ASIC2: variants seen among roughly 807,000 people sequenced by gnomAD.
ASIC2 encodes acid-sensing ion channel 2.
Under a neutral mutation model 57.3 loss-of-function variants are expected in ASIC2, and 25 were observed. The observed-to-expected ratio is 0.44, with a 90% CI of 0.32 to 0.61. The LOEUF is 0.61. Ranked by LOEUF, ASIC2 falls within the 20% of genes least tolerant of loss-of-function variation. The pLI, the probability that ASIC2 is intolerant of heterozygous loss-of-function variation, is 0.06. For missense variants in ASIC2, 641 were observed against 738.1 expected (o/e 0.87, Z 1.52); for synonymous variants, 319 against 307.5 (o/e 1.04, Z -0.39).
At chr17:33,346,226 CAAAAAAAAAAAAAA>C (rs57042563) in intron 1 of ASIC2, among the ~76,000 whole-genome samples, 4 of 57,784 alleles carry the variant, frequency 6.9e-5, no homozygotes, top group African/African-American at 7.7e-5. Flanking sequence ...GATTCCCTCT[CAAAAAAAAAAAAAA>C]AAAAAAAAAA....
At chr17:33,863,668 A>C (rs749695681) in intron 1 of ASIC2, among the ~76,000 whole-genome samples, 1 of 152,174 alleles carries the variant, frequency 6.6e-6, no homozygotes, top group Non-Finnish European at 1.5e-5. Context: ...TATAGTCAGG[A>C]ACTTATTTCC....
chr17:33,464,497 T>C (rs1597737476), intron 1 of ASIC2, among the ~76,000 whole-genome samples: 2 of 38,102 alleles, frequency 5.2e-5, no homozygotes, highest in Non-Finnish European at 1.1e-4. Context: ...TCTTTCTTTC[T>C]TTCTTTCTTT....
chr17:33,956,324 G>A (rs1363492658), intron 1 of ASIC2, among the ~76,000 whole-genome samples: 1 of 152,182 alleles, frequency 6.6e-6, no homozygotes, highest in Non-Finnish European at 1.5e-5. Flanking sequence ...CTGTAGCAAG[G>A]CGAGGCTAGG....
intron 1 of ASIC2, among the ~76,000 whole-genome samples, chr17:33,215,837 C>G (rs1327689101): frequency 6.6e-6 from 1 of 152,052 alleles, no homozygotes; most frequent in East Asian, 1.9e-4. Flanking sequence ...GTAGCTGGGA[C>G]TACAGGCGCC....
intron 1 of ASIC2, among the ~76,000 whole-genome samples, chr17:33,289,472 T>C (rs1263293934): frequency 6.6e-6 from 1 of 152,004 alleles, no homozygotes; most frequent in Non-Finnish European, 1.5e-5. Flanking sequence ...CTCTCCCAGC[T>C]CCTAGGAGGG....
At chr17:34,044,891 A>C (rs1908279940) in intron 1 of ASIC2, among the ~76,000 whole-genome samples, 1 of 152,052 alleles carries the variant, frequency 6.6e-6, no homozygotes, top group Admixed American at 6.5e-5. Context: ...ACTTGGAGTT[A>C]CTCTGATTTA....
At chr17:33,794,418 T>G (rs1343675676) in intron 1 of ASIC2, 1 of 151,784 alleles carries the variant, frequency 6.6e-6, no homozygotes, top group Non-Finnish European at 1.5e-5. Flanking sequence ...AAGATGGAGG[T>G]GGTGATGCTG....
intron 1 of ASIC2, among the ~76,000 whole-genome samples, chr17:34,113,067 C>T (rs1009493264): frequency 2.6e-5 from 4 of 152,120 alleles, no homozygotes; most frequent in African/African-American, 9.7e-5. Flanking sequence ...ATTTTGATCA[C>T]AGTATCTTCA....
At chr17:33,149,778 TG>T (rs1904712900) in intron 1 of ASIC2, among the ~76,000 whole-genome samples, 1 of 152,378 alleles carries the variant, frequency 6.6e-6, no homozygotes, top group Admixed American at 6.5e-5. Flanking sequence ...ATAGTGAGGT[TG>T]AAAGTTTATT....
chr17:33,936,982 C>T (rs1227910005), intron 1 of ASIC2, among the ~76,000 whole-genome samples: 1 of 152,214 alleles, frequency 6.6e-6, no homozygotes, highest in Non-Finnish European at 1.5e-5. Context: ...CTCCACCAAG[C>T]CCAAGCGGAG....
chr17:33,788,194 G>A (rs557560667), intron 1 of ASIC2, among the ~76,000 whole-genome samples: 84 of 151,910 alleles, frequency 5.5e-4, no homozygotes, highest in African/African-American at 2.0e-3. Context: ...GAATTTAAAA[G>A]GAACATAAAC....
In ASIC2 at chr17:33,209,611, C is replaced by T. The variant is rs535154115; in HGVS notation, c.708+81797G>A. Among the ~76,000 whole-genome samples the T allele has an allele frequency of 4.6e-5, 7 of 152,324 alleles. No individual in the cohort carries two copies. In the East Asian group the frequency reaches 9.6e-4, roughly 21 times the overall value. ...AATTGTCCCGTGGGGGCCAAAACTG[C>T]CACCGCTTAAGAACCACTGCCTTGA... On this transcript the variant is annotated intron_variant, in intron 1 of 9. Coordinates refer to ENST00000225823, the MANE Select transcript of ASIC2 (RefSeq NM_183377.2).
chr17:33,495,733 A>G (rs1913911024), intron 1 of ASIC2, among the ~76,000 whole-genome samples: 1 of 152,174 alleles, frequency 6.6e-6, no homozygotes, highest in Non-Finnish European at 1.5e-5. Context: ...CTAAGTACAC[A>G]TCCATTCCTG....
intron 1 of ASIC2, among the ~76,000 whole-genome samples, chr17:34,117,949 G>A (rs1413371200): frequency 2.6e-5 from 4 of 152,138 alleles, no homozygotes; most frequent in Admixed American, 6.5e-5. Flanking sequence ...AATCAGCTCC[G>A]CAGTGCCTTT....
chr17:33,343,461 A>T (rs1281529642), intron 1 of ASIC2, among the ~76,000 whole-genome samples: 1 of 152,138 alleles, frequency 6.6e-6, no homozygotes, highest in Non-Finnish European at 1.5e-5. Flanking sequence ...GATGCCTGTC[A>T]TTGGCTTCCT....
At chr17:33,713,660 T>C (rs1278388652) in intron 1 of ASIC2, among the ~76,000 whole-genome samples, 1 of 152,242 alleles carries the variant, frequency 6.6e-6, no homozygotes, top group Admixed American at 6.5e-5. Flanking sequence ...CATTCACAGT[T>C]TCCAGGTAGA....
chr17:33,859,343 C>G (rs1338233638), intron 1 of ASIC2, among the ~76,000 whole-genome samples: 1 of 151,720 alleles, frequency 6.6e-6, no homozygotes, highest in Non-Finnish European at 1.5e-5. Context: ...AGGCATTCAA[C>G]AAAGATTTGT....
intron 1 of ASIC2, among the ~76,000 whole-genome samples, chr17:33,566,277 G>T (rs2141987844): frequency 6.6e-6 from 1 of 152,280 alleles, no homozygotes; most frequent in Middle Eastern, 3.4e-3. Flanking sequence ...GATTCTTTGT[G>T]GTGGCCATAT....
At chr17:33,934,530 C>T (rs1916015491) in intron 1 of ASIC2, among the ~76,000 whole-genome samples, 1 of 152,120 alleles carries the variant, frequency 6.6e-6, no homozygotes, top group Non-Finnish European at 1.5e-5. Flanking sequence ...ATGAAGGCAA[C>T]TCTCAAGGGC....
Sources: allele counts gnomAD v4.1 joint callset (sites outside exome capture counted in the v4.1 genomes callset), GRCh38; gene constraint gnomAD v4.1.1; transcripts MANE v1.5; gene names NCBI Gene and HGNC (gene_info 2026-07-23, HGNC 2026-07-21).